The following INSR variants were observed in gnomAD, a reference collection of about 807,000 sequenced individuals.
The protein encoded by INSR is IR.
Under a neutral mutation model 142.6 loss-of-function variants are expected in INSR, and 67 were observed. That is an observed-to-expected ratio of 0.47 (90% confidence interval 0.39 to 0.58). INSR has a LOEUF of 0.58. INSR is among the 20% of genes least tolerant of loss of function. The probability of loss-of-function intolerance (pLI) is 0.00; values close to 1 mark genes in which losing one functional copy is unlikely to be tolerated. For missense variants in INSR, 1,248 were observed against 1,833.2 expected (o/e 0.68, Z 5.83); for synonymous variants, 756 against 743.1 (o/e 1.02, Z -0.28).
intron 16 of INSR, 124 bp downstream of exon 16, chr19:7,126,460 A>G (rs1364304081): frequency 5.7e-6 from 5 of 872,284 alleles, no homozygotes; most frequent in African/African-American, 5.0e-5. Context: ...GGCAAGCTCA[A>G]ATGAATAAGA....
At position 7,216,999 on chromosome 19, in the gene INSR, C is replaced by CT. The variant is rs911015165; in HGVS notation, c.653-32363dup. On this transcript the variant is annotated intron_variant, in intron 2 of 21. Transcript: ENST00000302850. This position sits in a 1 kb window ranked among gnomAD's most constrained non-coding sequence, Gnocchi z 4.2. ...GCTAATTTTTCTTCTTCTTCTTCTT[C>CT]TTTTTTTTTTTTTTGTAGAGATGGG... Among the ~76,000 whole-genome samples, 3 of 16,778 alleles carry CT rather than the reference C, an allele frequency of 1.8e-4. No homozygotes were observed. The highest frequency in any genetic ancestry group is 3.0e-3 in the South Asian group (1 of 338). The allele number at this position is 16,778 out of a possible 152,430, so 11.0% of individuals were successfully genotyped here.
rs1972299397 is a variant in INSR, at chr19:7,115,406, A to C, written c.*1650T>G. 6.6e-6 allele frequency: 1 copy of C among 152,140 alleles called. No individual in the cohort carries two copies. Among genetic ancestry groups the C allele is most frequent in the Admixed American group, 6.5e-5 (1 of 15,278 alleles). 9.4% of individuals were successfully genotyped at this position (152,140 alleles called of 1,614,324 possible). On this transcript the variant is annotated 3_prime_UTR_variant, in exon 22 of 22. Transcript: ENST00000302850. ...AGACTCTACTCTCTTAGGGATTGCAACACTGTAAGCACCTGAGCATTCAGC... is the reference window on the plus strand; with the variant it reads ...AGACTCTACTCTCTTAGGGATTGCACCACTGTAAGCACCTGAGCATTCAGC...
chr19:7,138,999 G>A (rs577834608), intron 13 of INSR, among the ~76,000 whole-genome samples: 23 of 152,224 alleles, frequency 1.5e-4, no homozygotes, highest in Admixed American at 6.5e-4. Flanking sequence ...CTCATTCTGG[G>A]CTTAGCCATG....
intron 2 of INSR, among the ~76,000 whole-genome samples, chr19:7,254,087 G>A (rs550166213): frequency 2.6e-5 from 4 of 151,714 alleles, no homozygotes; most frequent in African/African-American, 7.3e-5. Context: ...TGAGCAAACA[G>A]GTCGGCCTGG....
chr19:7,177,109 A>G (rs1386927489), intron 3 of INSR, among the ~76,000 whole-genome samples: 1 of 152,144 alleles, frequency 6.6e-6, no homozygotes, highest in African/African-American at 2.4e-5. Context: ...GTCCTCCCCA[A>G]CACGGGGTCT....
chr19:7,147,953 G>A (rs1973224339), intron 11 of INSR, among the ~76,000 whole-genome samples: 1 of 151,826 alleles, frequency 6.6e-6, no homozygotes, highest in Non-Finnish European at 1.5e-5. Context: ...TTGCTCTGTT[G>A]CCCAGGCTGG....
chr19:7,211,535 G>A (rs1246542156), intron 2 of INSR, among the ~76,000 whole-genome samples: 10 of 152,042 alleles, frequency 6.6e-5, no homozygotes, highest in Admixed American at 5.9e-4. Flanking sequence ...GGGCCTTTGG[G>A]GTCAGGTAAG....
At chr19:7,291,140 C>T (rs1388056050) in intron 1 of INSR, among the ~76,000 whole-genome samples, 1 of 152,164 alleles carries the variant, frequency 6.6e-6, no homozygotes, top group East Asian at 1.9e-4. Context: ...CCTCCCCAAG[C>T]CTTCAAGAGG....
In INSR at chr19:7,270,540, C is replaced by T. The variant is rs539465803; in HGVS notation, c.101-2644G>A. Among the ~76,000 whole-genome samples the T allele has an allele frequency of 2.0e-5, 3 of 151,660 alleles. No homozygotes were observed. In the East Asian group the frequency reaches 5.8e-4, roughly 29 times the overall value. On this transcript the variant is annotated intron_variant, in intron 1 of 21. Coordinates refer to ENST00000302850, the MANE Select transcript of INSR (RefSeq NM_000208.4). ...GCCACAGTGAGAGGATCGATTGAAG[C>T]CAGGAGTTTAAAGTCAGCCTGGGCA...
chr19:7,185,006 A>G (rs1161892891), intron 2 of INSR, among the ~76,000 whole-genome samples: 2 of 152,212 alleles, frequency 1.3e-5, no homozygotes, highest in African/African-American at 4.8e-5. Context: ...AGCTGACAAA[A>G]GATACACAGT....
intron 2 of INSR, among the ~76,000 whole-genome samples, chr19:7,240,913 G>A (rs1976319988): frequency 6.6e-6 from 1 of 152,094 alleles, no homozygotes; most frequent in African/African-American, 2.4e-5. Context: ...TTACATATAC[G>A]CACATATTCT....
At chr19:7,235,830 A>T (rs1256126869) in intron 2 of INSR, among the ~76,000 whole-genome samples, 1 of 152,122 alleles carries the variant, frequency 6.6e-6, no homozygotes, top group African/African-American at 2.4e-5. Context: ...CTATCTCTAA[A>T]AATAATAATA....
In INSR at chr19:7,170,705, A is replaced by C; in HGVS notation, c.1315T>G (p.Trp439Gly). 1.2e-6 allele frequency: 2 copies of C among 1,614,096 alleles called. No individual in the cohort carries two copies. The highest frequency in any genetic ancestry group is 1.7e-6 in the Non-Finnish European group (2 of 1,180,008). The change falls in exon 6 of 22, where the codon TGG (tryptophan) becomes GGG (glycine). Residue 439 changes from tryptophan (W) to glycine (G), a missense_variant. Trp to Gly is a radical substitution (Grantham distance 184). This residue lies in a region of INSR where 1,069 missense variants were observed against 1,654.0 expected (regional missense o/e 0.65). Coordinates refer to ENST00000302850, the MANE Select transcript of INSR (RefSeq NM_000208.4). ...GTGAGGTTGTGTTTGCTCCAGTCCC[A>C]GAGCTGCCTTAGGTTCTGGTTGTCC... ...ALDNQNLRQL[W>G]DWSKHNLTIT...
In INSR at chr19:7,125,381, C is replaced by T. The variant is rs1135401741; in HGVS notation, c.3160G>A (p.Val1054Met). Residue 1054 changes from valine to methionine, a missense_variant, in exon 17 of 22, where the codon GTG (valine) becomes ATG (methionine). By Grantham distance (21) the Val-to-Met change is conservative (BLOSUM62 1). Transcript: ENST00000302850. This position sits in a 1 kb window ranked among gnomAD's most constrained non-coding sequence, Gnocchi z 4.9. ...DIIKGEAETR[V>M]AVKTVNESAS... Reference sequence around the variant, plus strand: ...GACTCGTTGACCGTCTTCACCGCCACGCGGGTCTCTGCCTCACCCTTGATG... The same window carrying T: ...GACTCGTTGACCGTCTTCACCGCCATGCGGGTCTCTGCCTCACCCTTGATG... 1.9e-6 allele frequency: 3 copies of T among 1,614,166 alleles called. No individual in the cohort carries two copies. Among genetic ancestry groups the T allele is most frequent in the East Asian group, 2.2e-5 (1 of 44,884 alleles).
chr19:7,143,179 A>G, intron 11 of INSR, 89 bp from the exon 12 acceptor site: 1 of 1,458,786 alleles, frequency 6.9e-7, no homozygotes, highest in Non-Finnish European at 9.6e-7. Context: ...CTTGATTAAG[A>G]AGAAAGATCA....
intron 14 of INSR, 121 bp from the exon 15 acceptor site, chr19:7,129,075 A>T (rs2860173): frequency 1.4e-6 from 1 of 726,738 alleles, no homozygotes; most frequent in South Asian, 1.5e-5. Flanking sequence ...CCTTGTCCAT[A>T]AACCTCTCTG....
Position 7,132,190 on chromosome 19 carries a change from G to A in INSR, c.2810C>T (p.Thr937Met), listed in dbSNP as rs1972802448. 2 of 1,614,174 alleles carry A rather than the reference G, an allele frequency of 1.2e-6. No individual in the cohort carries two copies. Among genetic ancestry groups the A allele is most frequent in the Non-Finnish European group, 8.5e-7 (1 of 1,180,020 alleles). ...TGTCACGTAGAAATAGGTGGGTTCC[G>A]TCCAAGAGCCGTTGCCCGCAAGGGA... is the stretch of plus-strand genomic sequence containing the variant. ...ATSLAGNGSW[T>M]EPTYFYVTDY... The change falls in exon 14 of 22, where the codon ACG becomes ATG. Residue 937 changes from threonine to methionine, a missense_variant. Coordinates refer to ENST00000302850, the MANE Select transcript of INSR (RefSeq NM_000208.4).
In INSR at chr19:7,224,630, C is replaced by T. The variant is rs564585801; in HGVS notation, c.653-39993G>A. 7.9e-5 allele frequency among the ~76,000 whole-genome samples: 12 copies of T among 152,252 alleles called. No individual in the cohort carries two copies. In the East Asian group the frequency reaches 2.1e-3, roughly 27 times the overall value. ...GAAAGACACTGTCTCTGCCGGAGGG[C>T]GATGGTCCAGGCAGTGCACCCTGGG... On this transcript the variant is annotated intron_variant, in intron 2 of 21. Coordinates refer to ENST00000302850, the MANE Select transcript of INSR (RefSeq NM_000208.4).
At chr19:7,155,650 T>C (rs1323581296) in intron 9 of INSR, among the ~76,000 whole-genome samples, 1 of 150,658 alleles carries the variant, frequency 6.6e-6, no homozygotes, top group Non-Finnish European at 1.5e-5. Flanking sequence ...CAGTGGCTCT[T>C]GCCTGTAATA....
Sources: gnomAD v4.1 joint callset for allele counts (sites outside exome capture counted in the v4.1 genomes callset) on GRCh38, gnomAD v4.1.1 for gene constraint, gnomAD v4.1.1 regional missense constraint, Gnocchi (gnomAD v3.1) non-coding constraint, MANE v1.5 for transcripts, NCBI Gene and HGNC (gene_info 2026-07-23, HGNC 2026-07-21) for gene names.